Variants in KCTD3 observed in about 807,000 individuals in gnomAD.
KCTD3 encodes potassium channel tetramerization domain containing 3, also known as BTB/POZ domain-containing protein KCTD3.
KCTD3 carries 41 observed loss-of-function variants against 85.8 expected under a neutral mutation model. The observed-to-expected ratio is 0.48, with a 90% CI of 0.37 to 0.62. KCTD3 has a LOEUF of 0.62. Among genes scored for constraint, KCTD3 ranks in the 20% least tolerant of loss-of-function variants. The pLI, the probability that KCTD3 is intolerant of heterozygous loss-of-function variation, is 0.00. For missense variants in KCTD3, 724 were observed against 989.9 expected, an observed-to-expected ratio of 0.73 and a Z score of 3.60; for synonymous variants, 338 against 345.4, an observed-to-expected ratio of 0.98 and a Z score of 0.24.
intron 13 of KCTD3, among the ~76,000 whole-genome samples, chr1:215,604,854 T>TA (rs1014727834): frequency 1.8e-4 from 28 of 152,070 alleles, no homozygotes; most frequent in African/African-American, 6.3e-4. Context: ...TAATAAAAAT[T>TA]ACAATTGTAG....
intron 13 of KCTD3, 62 bp from the exon 14 acceptor site, chr1:215,607,955 A>C (rs1040023873): frequency 2.1e-6 from 3 of 1,412,138 alleles, no homozygotes; most frequent in African/African-American, 1.4e-5. Context: ...TGATAGTGAA[A>C]AAAGTTAAAA....
intron 13 of KCTD3, 128 bp downstream of exon 13, chr1:215,604,430 A>G: frequency 1.4e-6 from 1 of 696,120 alleles, no homozygotes; most frequent in Non-Finnish European, 2.4e-6. Flanking sequence ...TAATGACTGA[A>G]GAAATTATGA....
chr1:215,587,916 T>A (rs1019202876), intron 9 of KCTD3, among the ~76,000 whole-genome samples: 3 of 152,232 alleles, frequency 2.0e-5, no homozygotes, highest in Non-Finnish European at 4.4e-5. Context: ...GTTATGTAGA[T>A]CTACCAAATG....
At position 215,573,771 on chromosome 1, in the gene KCTD3, G is replaced by T; in HGVS notation, c.84-15G>T. The T allele has an allele frequency of 1.3e-6, 2 of 1,515,110 alleles. No individual in the cohort carries two copies. The highest frequency in any genetic ancestry group is 1.8e-6 in the Non-Finnish European group (2 of 1,105,428). The allele number at this position is 1,515,110 out of a possible 1,614,324, so 93.9% of individuals were successfully genotyped here. A position where few individuals can be genotyped will look rare whatever the true frequency, so the allele number is the denominator to read the frequency against. ...CATGTTCTCACTTATAATACCAGAT[G>T]ATTTTTAATTGCAGATTTAGTACCT... On this transcript the variant is annotated splice_polypyrimidine_tract_variant and intron_variant, in intron 1 of 17. Coordinates refer to ENST00000259154, the MANE Select transcript of KCTD3 (RefSeq NM_016121.5).
intron 1 of KCTD3, 105 bp from the exon 2 acceptor site, chr1:215,573,681 T>A: frequency 1.5e-6 from 1 of 683,880 alleles, no homozygotes; most frequent in Middle Eastern, 2.5e-4. Context: ...GCTATAACTA[T>A]AAAACATCTT....
chr1:215,573,908 G>C (rs1659467406), intron 2 of KCTD3, 69 bp downstream of exon 2: 1 of 1,118,808 alleles, frequency 8.9e-7, no homozygotes. Flanking sequence ...ATGTTTGTCA[G>C]TTAAATTTTT....
intron 3 of KCTD3, among the ~76,000 whole-genome samples, chr1:215,575,225 C>CT (rs1659529012): frequency 6.6e-6 from 1 of 151,946 alleles, no homozygotes; most frequent in Non-Finnish European, 1.5e-5. Context: ...GCACTCCAGC[C>CT]TAGATGAGAG....
chr1:215,600,153 G>A (rs968677099), intron 10 of KCTD3, among the ~76,000 whole-genome samples: 4 of 152,126 alleles, frequency 2.6e-5, no homozygotes, highest in African/African-American at 4.8e-5. Context: ...TTTGGCATTG[G>A]CTTTAATTAA....
At chr1:215,580,127 A>C in intron 8 of KCTD3, 128 bp downstream of exon 8, 1 of 614,426 alleles carries the variant, frequency 1.6e-6, no homozygotes. Context: ...TATTTTACCC[A>C]TGTCTGTATC....
intron 8 of KCTD3, among the ~76,000 whole-genome samples, chr1:215,585,454 A>G (rs1659972403): frequency 6.6e-6 from 1 of 152,118 alleles, no homozygotes; most frequent in South Asian, 2.1e-4. Flanking sequence ...ATGTATTTTT[A>G]TTTAGGCCCT....
At chr1:215,581,323 T>G (rs897544570) in intron 8 of KCTD3, 24 of 153,166 alleles carry the variant, frequency 1.6e-4, no homozygotes, top group African/African-American at 5.8e-4. Context: ...ATGGAAATTG[T>G]TTTTTGCATA....
At position 215,579,067 on chromosome 1, in the gene KCTD3, A is replaced by G. The variant is rs1659693921; in HGVS notation, c.465A>G (p.Thr155=). The G allele has an allele frequency of 6.3e-7, 1 of 1,595,948 alleles. No homozygotes were observed. Among genetic ancestry groups the G allele is most frequent in the African/African-American group, 1.4e-5 (1 of 73,558 alleles). The part of the protein sequence containing the change: ...SADSRNGLNS[T]EGEARGNGTQ... ...ATTCTAGGAATGGTCTAAATTCTAC[A>G]GAAGGTGAAGCCCGGGGAAATGGTA... The change falls in exon 7 of 18, where the codon ACA becomes ACG. Residue 155 remains threonine (T), a synonymous_variant. Coordinates refer to ENST00000259154, the MANE Select transcript of KCTD3 (RefSeq NM_016121.5).
rs530935128 is a variant in KCTD3 at position 215,592,954 on chromosome 1, C to T, written c.818-2402C>T. Among the ~76,000 whole-genome samples, 7 of 152,272 alleles carry T rather than the reference C, an allele frequency of 4.6e-5. No homozygotes were observed. The East Asian group carries it at 7.7e-4, about 17-fold the overall frequency. On this transcript the variant is annotated intron_variant, in intron 9 of 17. Transcript: ENST00000259154. ...TAAGCAGGAGTGACACTTTAAATTTCGTGAGACCATTCAGAGTGTCTTTGT... is the reference window on the plus strand; with the variant it reads ...TAAGCAGGAGTGACACTTTAAATTTTGTGAGACCATTCAGAGTGTCTTTGT...
rs1400472437 is a variant in KCTD3 at position 215,579,932 on chromosome 1, G to A, written c.559G>A (p.Val187Met). The A allele has an allele frequency of 6.2e-7, 1 of 1,613,256 alleles. No homozygotes were observed. Among genetic ancestry groups the A allele is most frequent in the Non-Finnish European group, 8.5e-7 (1 of 1,179,304 alleles). ...RLGFPVDPRK[V>M]LIVAGHHNWI... Reference sequence around the variant, plus strand: ...AGGATTTCCTGTGGATCCACGAAAGGTGCTAATAGTAGCTGGCCATCACAA... The same window carrying A: ...AGGATTTCCTGTGGATCCACGAAAGATGCTAATAGTAGCTGGCCATCACAA... The change falls in exon 8 of 18, where the codon GTG becomes ATG. Residue 187 changes from valine to methionine, a missense_variant. Physicochemically the swap from Val to Met is conservative, Grantham distance 21. Coordinates refer to ENST00000259154, the MANE Select transcript of KCTD3 (RefSeq NM_016121.5).
chr1:215,605,611 C>G (rs1427179379), intron 13 of KCTD3, among the ~76,000 whole-genome samples: 1 of 152,056 alleles, frequency 6.6e-6, no homozygotes, highest in African/African-American at 2.4e-5. Context: ...GTCTGGATCT[C>G]TGGTTGTATG....
chr1:215,580,648 G>A (rs1659781563), intron 8 of KCTD3, among the ~76,000 whole-genome samples: 1 of 151,878 alleles, frequency 6.6e-6, no homozygotes, highest in Admixed American at 6.6e-5. Context: ...TGATGACAGA[G>A]AATGGTGTAG....
At chr1:215,606,861 A>G (rs1655043163) in intron 13 of KCTD3, among the ~76,000 whole-genome samples, 1 of 152,032 alleles carries the variant, frequency 6.6e-6, no homozygotes, top group South Asian at 2.1e-4. Flanking sequence ...AATGACTAAT[A>G]TTAGCAAAAT....
chr1:215,610,042 A>G (rs1655168831), intron 14 of KCTD3, among the ~76,000 whole-genome samples: 1 of 152,000 alleles, frequency 6.6e-6, no homozygotes, highest in Non-Finnish European at 1.5e-5. Flanking sequence ...TATAAAACCC[A>G]GTAAGATAAA....
At chr1:215,569,255 G>C (rs554942549) in intron 1 of KCTD3, among the ~76,000 whole-genome samples, 9 of 151,104 alleles carry the variant, frequency 6.0e-5, no homozygotes, top group Admixed American at 5.9e-4. Flanking sequence ...CCGAGTAGCT[G>C]GGTCACAGGC....
Sources: gnomAD v4.1 joint callset for allele counts (sites outside exome capture counted in the v4.1 genomes callset) on GRCh38, gnomAD v4.1.1 for gene constraint, MANE v1.5 for transcripts, NCBI Gene and HGNC (gene_info 2026-07-23, HGNC 2026-07-21) for gene names.